Variants in UBE2V2 observed in about 807,000 individuals in gnomAD.
UBE2V2 encodes ubiquitin-conjugating enzyme E2 variant 2.
A neutral mutation model predicts 17.2 loss-of-function variants in UBE2V2; 9 were observed. That is an observed-to-expected ratio of 0.52 (90% CI 0.32 to 0.91). The LOEUF (loss-of-function observed/expected upper bound fraction) is 0.91, where lower values mean the gene tolerates loss of function less well. UBE2V2 is among the 40% of genes least tolerant of loss of function. UBE2V2 has a pLI of 0.04. For missense variants in UBE2V2, 133 were observed against 182.6 expected, an observed-to-expected ratio of 0.73 and a Z score of 1.56; for synonymous variants, 61 against 57.5, an observed-to-expected ratio of 1.06 and a Z score of -0.28.
At chr8:48,008,035 C>T (rs2091196759), upstream of UBE2V2, among the ~76,000 whole-genome samples, 1 of 152,118 alleles carries the variant, frequency 6.6e-6, no homozygotes, top group Non-Finnish European at 1.5e-5. Context: ...GATTCTCGTG[C>T]CTCAGCCTCC....
chr8:48,043,094 A>G lies in UBE2V2; in HGVS notation c.78A>G (p.Val26=). The stretch of plus-strand genomic sequence containing the variant: ...AACTTGAAGAAGGACAAAAAGGAGT[A>G]GGCGACGGTACAGTTAGCTGGGGCC... ...LEELEEGQKG[V]GDGTVSWGLE... is the part of the protein sequence containing the mutation. Residue 26 remains valine, a synonymous_variant, in exon 2 of 4, where the codon GTA becomes GTG. Coordinates refer to ENST00000523111, the MANE Select transcript of UBE2V2 (RefSeq NM_003350.3). The G allele has an allele frequency of 6.3e-7, 1 of 1,598,826 alleles. No individual in the cohort carries two copies. The highest frequency in any genetic ancestry group is 1.1e-5 in the South Asian group (1 of 88,118).
chr8:48,023,859 G>A (rs1021401132), intron 1 of UBE2V2, among the ~76,000 whole-genome samples: 1 of 151,970 alleles, frequency 6.6e-6, no homozygotes, highest in Non-Finnish European at 1.5e-5. Flanking sequence ...TTGGGTGGCA[G>A]AATGAGACCC....
intron 1 of UBE2V2, chr8:48,042,582 A>G (rs1445804972): frequency 1.3e-5 from 2 of 150,382 alleles, no homozygotes; most frequent in Non-Finnish European, 3.0e-5. Context: ...TCAGGATTCT[A>G]AAAGACAGTA....
At chr8:48,034,046 A>C (rs2091403153) in intron 1 of UBE2V2, among the ~76,000 whole-genome samples, 1 of 151,820 alleles carries the variant, frequency 6.6e-6, no homozygotes, top group African/African-American at 2.4e-5. Context: ...CTTGGTCTAT[A>C]GCTCCCTATT....
intron 1 of UBE2V2, 142 bp downstream of exon 1, chr8:48,008,612 C>CTGGGACCGGG (rs1247797630): frequency 1.6e-6 from 2 of 1,286,298 alleles, no homozygotes; most frequent in Non-Finnish European, 2.0e-6. Context: ...AGAGCGTAGC[C>CTGGGACCGGG]TGGGACCGGG....
At chr8:48,027,643 G>A (rs1246941970) in intron 1 of UBE2V2, among the ~76,000 whole-genome samples, 3 of 152,128 alleles carry the variant, frequency 2.0e-5, no homozygotes, top group Non-Finnish European at 4.4e-5. Flanking sequence ...GGGACTGCAG[G>A]CACGCGCCTT....
upstream of UBE2V2, among the ~76,000 whole-genome samples, chr8:48,007,911 C>CCT (rs2154506494): frequency 6.6e-6 from 1 of 152,108 alleles, no homozygotes; most frequent in South Asian, 2.1e-4. Context: ...GCAAATCTGT[C>CCT]AATGCCCACT....
At chr8:48,015,487 A>T (rs1012230603) in intron 1 of UBE2V2, among the ~76,000 whole-genome samples, 35 of 152,216 alleles carry the variant, frequency 2.3e-4, no homozygotes, top group Non-Finnish European at 8.8e-5. Context: ...TCACATAGTT[A>T]TCATTTTTGT....
In UBE2V2 at chr8:48,039,646, T is replaced by C. The variant is rs906450758; in HGVS notation, c.17-3387T>C. On this transcript the variant is annotated intron_variant, in intron 1 of 3. Transcript: ENST00000523111. ...TCATTTAATCTGCCTATAATTGATT[T>C]TTATGTATACTATGAGATCAGATTG... 5.9e-5 allele frequency among the ~76,000 whole-genome samples: 9 copies of C among 152,224 alleles called. No individual in the cohort carries two copies. In the East Asian group the frequency reaches 1.7e-3, roughly 29 times the overall value.
intron 2 of UBE2V2, among the ~76,000 whole-genome samples, chr8:48,043,895 A>G (rs2091481017): frequency 6.7e-6 from 1 of 149,350 alleles, no homozygotes; most frequent in Admixed American, 6.7e-5. Context: ...TTTTTACTCA[A>G]AGTCTTTTAG....
intron 3 of UBE2V2, 137 bp from the exon 4 acceptor site, chr8:48,060,545 A>T: frequency 1.5e-6 from 1 of 682,054 alleles, no homozygotes; most frequent in Non-Finnish European, 2.1e-6. Flanking sequence ...GGTATTAGTA[A>T]TTCCATAGTG....
intron 1 of UBE2V2, among the ~76,000 whole-genome samples, chr8:48,015,050 CAAAA>C (rs1173137634): frequency 3.1e-5 from 2 of 63,742 alleles, no homozygotes; most frequent in African/African-American, 6.2e-5. Context: ...ACTCCATCTC[CAAAA>C]AAAAAAAAAA....
intron 3 of UBE2V2, among the ~76,000 whole-genome samples, chr8:48,058,390 C>G (rs528710839): frequency 7.1e-4 from 108 of 151,654 alleles, no homozygotes; most frequent in African/African-American, 2.6e-3. Context: ...ATCGCTTGAA[C>G]TGGGGAGGCA....
At chr8:48,053,537 C>A (rs2091552867) in intron 3 of UBE2V2, among the ~76,000 whole-genome samples, 1 of 151,192 alleles carries the variant, frequency 6.6e-6, no homozygotes, top group African/African-American at 2.4e-5. Flanking sequence ...AATTCTCTTG[C>A]CTCAGCCTCC....
At chr8:48,046,446 T>C (rs2091499649) in intron 2 of UBE2V2, among the ~76,000 whole-genome samples, 1 of 151,856 alleles carries the variant, frequency 6.6e-6, no homozygotes, top group Non-Finnish European at 1.5e-5. Flanking sequence ...GGGGACAGGG[T>C]TTCTCCATGT....
chr8:48,048,158 G>C (rs1437225282), intron 2 of UBE2V2, among the ~76,000 whole-genome samples: 1 of 152,194 alleles, frequency 6.6e-6, no homozygotes, highest in African/African-American at 2.4e-5. Context: ...TCCCACACCT[G>C]AGAGATTTGC....
chr8:48,053,878 C>T (rs1429800092), intron 3 of UBE2V2, among the ~76,000 whole-genome samples: 2 of 150,798 alleles, frequency 1.3e-5, no homozygotes, highest in Admixed American at 1.3e-4. Flanking sequence ...GATCTCAGCT[C>T]ACTGCAACCT....
chr8:48,040,613 T>C (rs1269364943), intron 1 of UBE2V2, among the ~76,000 whole-genome samples: 1 of 152,040 alleles, frequency 6.6e-6, no homozygotes, highest in Non-Finnish European at 1.5e-5. Context: ...TCTAGGAAAG[T>C]GTCCCCTCTG....
upstream of UBE2V2, among the ~76,000 whole-genome samples, chr8:48,007,595 T>C (rs575320271): frequency 2.0e-5 from 3 of 150,062 alleles, no homozygotes; most frequent in Admixed American, 6.6e-5. Flanking sequence ...TTCAGTTTTA[T>C]GTAGAGACTA....
Sources: gnomAD v4.1 joint callset for allele counts (sites outside exome capture counted in the v4.1 genomes callset) on GRCh38, gnomAD v4.1.1 for gene constraint, MANE v1.5 for transcripts, NCBI Gene and HGNC (gene_info 2026-07-23, HGNC 2026-07-21) for gene names.